Variants in SLC29A1 observed in about 807,000 individuals in gnomAD.
The protein encoded by SLC29A1 is solute carrier family 29 member 1 (Augustine blood group).
A neutral mutation model predicts 48.3 loss-of-function variants in SLC29A1; 22 were observed. The observed-to-expected ratio is 0.46, with a 90% confidence interval of 0.33 to 0.65. The LOEUF (loss-of-function observed/expected upper bound fraction) is 0.65, where lower values mean the gene tolerates loss of function less well. SLC29A1 is among the 30% of genes least tolerant of loss of function. The pLI is 0.03. For synonymous variants in SLC29A1, 228 were observed against 231.0 expected, an observed-to-expected ratio of 0.99 and a Z score of 0.12; for missense variants, 491 against 575.3, an observed-to-expected ratio of 0.85 and a Z score of 1.50.
intron 1 of SLC29A1, chr6:44,226,699 G>A (rs1251920824): frequency 3.5e-5 from 34 of 982,556 alleles, no homozygotes; most frequent in Non-Finnish European, 3.9e-5. Flanking sequence ...CAGGGAGGGT[G>A]GAGAGACCAG....
upstream of SLC29A1, chr6:44,221,689 AG>A: frequency 7.8e-7 from 1 of 1,282,658 alleles, no homozygotes; most frequent in Non-Finnish European, 1.0e-6. This position sits in a 1 kb window ranked among gnomAD's most constrained non-coding sequence, Gnocchi z 4.2. Context: ...GGCCTGTGTA[AG>A]TTGGGGCTCC....
Position 44,233,558 on chromosome 6 carries a change from C to A in SLC29A1, c.*30C>A. ...GGATGGACAGAAGGACTGCCTGCCT[C>A]CCTCCCTGTCTGCCTCCTGCCCCTT... On this transcript the variant is annotated 3_prime_UTR_variant, in exon 13 of 13. Transcript: ENST00000371755. 8 of 1,548,638 alleles carry A rather than the reference C, an allele frequency of 5.2e-6. No homozygotes were observed. Among genetic ancestry groups the A allele is most frequent in the Non-Finnish European group, 6.2e-6 (7 of 1,120,312 alleles).
chr6:44,224,025 GAGGCTCGCGAGCGGAGGTGC>G (rs11274220), intron 1 of SLC29A1: 420,499 of 551,200 alleles, frequency 0.76, 168,056 homozygotes, highest in African/African-American at 0.89. Flanking sequence ...GATGGGGATG[GAGGCTCGCGAGCGGAGGTGC>G]AGGCTCGCGA....
upstream of SLC29A1, among the ~76,000 whole-genome samples, chr6:44,220,430 T>C (rs1776218381): frequency 6.6e-6 from 1 of 151,260 alleles, no homozygotes; most frequent in African/African-American, 2.4e-5. Flanking sequence ...GTGATTCTTC[T>C]ACCTTGGCCT....
chr6:44,233,697 G>A lies in SLC29A1; in HGVS notation c.*169G>A. The A allele has an allele frequency of 1.6e-6, 1 of 618,262 alleles. No homozygotes were observed. The highest frequency in any genetic ancestry group is 2.8e-5 in the Admixed American group (1 of 36,154). The allele number at this position is 618,262 out of a possible 1,614,324, so 38.3% of individuals were successfully genotyped here. A position where few individuals can be genotyped will look rare whatever the true frequency, so the allele number is the denominator to read the frequency against. On this transcript the variant is annotated 3_prime_UTR_variant, in exon 13 of 13. Coordinates refer to ENST00000371755, the MANE Select transcript of SLC29A1 (RefSeq NM_001372327.1). ...CCAGGCCCTGGGGAGGGAGCCTCTG[G>A]ACGGACAGTGGGGACATTGTGGGTT...
At chr6:44,231,496 T>C (rs1198787911) in intron 9 of SLC29A1, 35 bp downstream of exon 9, 5 of 1,364,118 alleles carry the variant, frequency 3.7e-6, no homozygotes, top group Non-Finnish European at 4.1e-6. Flanking sequence ...TTCTACCCCT[T>C]GTCCTCTTTC....
chr6:44,227,900 G>C (rs772695736), intron 2 of SLC29A1, among the ~76,000 whole-genome samples: 1 of 152,208 alleles, frequency 6.6e-6, no homozygotes, highest in African/African-American at 2.4e-5. Flanking sequence ...GAGATCCAAA[G>C]CTCCTTCAAA....
At position 44,230,415 on chromosome 6, in the gene SLC29A1, C is replaced by T. The variant is rs761450983; in HGVS notation, c.523C>T (p.Pro175Ser). The T allele has an allele frequency of 1.7e-5, 28 of 1,613,970 alleles. No individual in the cohort carries two copies. The highest frequency in any genetic ancestry group is 2.2e-5 in the Non-Finnish European group (26 of 1,180,008). Residue 175 changes from proline (P) to serine (S), a missense_variant, in exon 6 of 13, where the codon CCC becomes TCC. Pro to Ser is a moderately conservative substitution (Grantham distance 74, BLOSUM62 -1). Coordinates refer to ENST00000371755, the MANE Select transcript of SLC29A1 (RefSeq NM_001372327.1). Reference protein sequence around the residue: ...AGLLPASYTAPIMSGQGLAGF... With the variant: ...AGLLPASYTASIMSGQGLAGF... ...CCTTCTGCCTGCCAGCTACACGGCC[C>T]CCATCATGAGTGGCCAGGGCCTAGC... is the stretch of plus-strand genomic sequence containing the variant.
rs746549866 is a variant in SLC29A1 at position 44,232,984 on chromosome 6, C to T, written c.1237C>T (p.Leu413Phe). The change falls in exon 12 of 13, where the codon CTC becomes TTC. Residue 413 changes from leucine to phenylalanine, a missense_variant. By Grantham distance (22) the Leu-to-Phe change is conservative. Coordinates refer to ENST00000371755, the MANE Select transcript of SLC29A1 (RefSeq NM_001372327.1). This position sits in a 1 kb window ranked among gnomAD's most constrained non-coding sequence, Gnocchi z 4.7. ...CTTCTCCAACGGCTACCTCGCCAGCCTCTGCATGTGCTTCGGGCCCAAGTG... is the reference window on the plus strand; with the variant it reads ...CTTCTCCAACGGCTACCTCGCCAGCTTCTGCATGTGCTTCGGGCCCAAGTG... ...FAFSNGYLASLCMCFGPKKVK... is the reference protein window; with the variant it reads ...FAFSNGYLASFCMCFGPKKVK... 20 of 1,613,368 alleles carry T rather than the reference C, an allele frequency of 1.2e-5. No homozygotes were observed. The highest frequency in any genetic ancestry group is 2.2e-5 in the East Asian group (1 of 44,894).
intron 1 of SLC29A1, among the ~76,000 whole-genome samples, chr6:44,225,022 A>C (rs1213666007): frequency 6.6e-6 from 1 of 152,158 alleles, no homozygotes; most frequent in African/African-American, 2.4e-5. Flanking sequence ...GAAGAAATAA[A>C]TACTTCTTCT....
Position 44,232,104 on chromosome 6 carries a change from G to C in SLC29A1, c.971G>C (p.Trp324Ser), listed in dbSNP as rs928428928. ...VKSSIAGSST[W>S]ERYFIPVSCF... is the part of the protein sequence containing the mutation. ...TCCAGCATCGCAGGCAGCAGCACCT[G>C]GGGTGAGGATGCCACAGGTTTCCAG... Residue 324 changes from tryptophan (W) to serine (S), a missense_variant and splice_region_variant, in exon 10 of 13, where the codon TGG becomes TCG. By Grantham distance (177) the Trp-to-Ser change is radical (BLOSUM62 -3). Coordinates refer to ENST00000371755, the MANE Select transcript of SLC29A1 (RefSeq NM_001372327.1). The surrounding 1 kb of genome is among the most constrained non-coding windows in gnomAD (Gnocchi z 4.7). 1.9e-6 allele frequency: 3 copies of C among 1,610,020 alleles called. No homozygotes were observed. The highest frequency in any genetic ancestry group is 2.6e-6 in the Non-Finnish European group (3 of 1,176,322).
intron 2 of SLC29A1, among the ~76,000 whole-genome samples, chr6:44,227,874 T>G (rs1410037782): frequency 6.6e-6 from 1 of 152,220 alleles, no homozygotes; most frequent in Non-Finnish European, 1.5e-5. Context: ...CCAAGAAGGC[T>G]GAGGAAGTGA....
Position 44,229,166 on chromosome 6 carries a change from C to G in SLC29A1, c.30-224C>G, listed in dbSNP as rs1487963121. The stretch of plus-strand genomic sequence containing the variant: ...CCATGGTCCTGTCAGCCATGCCATT[C>G]AGTCCTATGACCCTGACCCCATCCC... On this transcript the variant is annotated intron_variant, in intron 2 of 12. Transcript: ENST00000371755. This position sits in a 1 kb window ranked among gnomAD's most constrained non-coding sequence, Gnocchi z 5.1. Among the ~76,000 whole-genome samples the G allele has an allele frequency of 6.6e-6, 1 of 152,224 alleles. No homozygotes were observed. Among genetic ancestry groups the G allele is most frequent in the Non-Finnish European group, 1.5e-5 (1 of 68,038 alleles).
intron 1 of SLC29A1, 161 bp from the exon 2 acceptor site, chr6:44,227,102 G>A: frequency 7.1e-7 from 1 of 1,414,174 alleles, no homozygotes; most frequent in Non-Finnish European, 9.2e-7. Flanking sequence ...GGGCTGGGTG[G>A]GGGTCAAGTT....
At chr6:44,221,495 G>A (rs1386348553), upstream of SLC29A1, 1 of 570,496 alleles carries the variant, frequency 1.8e-6, no homozygotes. This position sits in a 1 kb window ranked among gnomAD's most constrained non-coding sequence, Gnocchi z 4.2. Context: ...GAGGGAGTCT[G>A]GGCCAAGCCA....
upstream of SLC29A1, among the ~76,000 whole-genome samples, chr6:44,220,683 G>T (rs1327122121): frequency 6.6e-6 from 1 of 151,562 alleles, no homozygotes; most frequent in Non-Finnish European, 1.5e-5. Context: ...AAATTAGCTG[G>T]GCGTGGTGGC....
Position 44,229,859 on chromosome 6 carries a change from C to G in SLC29A1, c.315-48C>G. On this transcript the variant is annotated intron_variant, in intron 4 of 12. Coordinates refer to ENST00000371755, the MANE Select transcript of SLC29A1 (RefSeq NM_001372327.1). This position sits in a 1 kb window ranked among gnomAD's most constrained non-coding sequence, Gnocchi z 5.1. ...TGTGTCCTGCACCCCCTTGGCTGAG[C>G]CCCAGCTTTGCCCACTTGTCTCTGC... is the stretch of plus-strand genomic sequence containing the variant. 3 of 1,611,328 alleles carry G rather than the reference C, an allele frequency of 1.9e-6. No homozygotes were observed. The highest frequency in any genetic ancestry group is 2.5e-6 in the Non-Finnish European group (3 of 1,179,544).
chr6:44,231,369 G>A lies in SLC29A1; in HGVS notation c.772G>A (p.Glu258Lys), dbSNP rs754487166. 18 of 1,593,436 alleles carry A rather than the reference G, an allele frequency of 1.1e-5. No homozygotes were observed. The highest frequency in any genetic ancestry group is 1.5e-5 in the Non-Finnish European group (17 of 1,165,736). The change falls in exon 9 of 13, where the codon GAG becomes AAG. Residue 258 changes from glutamate (E) to lysine (K), a missense_variant. Coordinates refer to ENST00000371755, the MANE Select transcript of SLC29A1 (RefSeq NM_001372327.1). ...TKLDLISKGE[E>K]PRAGKEESGV... ...AGATTTCTTCCATCCCGCAGGAGAG[G>A]AGCCAAGAGCAGGCAAAGAGGAATC...
chr6:44,233,658 C>G lies in SLC29A1; in HGVS notation c.*130C>G. Reference sequence around the variant, plus strand: ...TGACTTCTGCTTTCCACGGCGTGTGCTGGGCCCGGATCTCCAGGCCCTGGG... The same window carrying G: ...TGACTTCTGCTTTCCACGGCGTGTGGTGGGCCCGGATCTCCAGGCCCTGGG... On this transcript the variant is annotated 3_prime_UTR_variant, in exon 13 of 13. Transcript: ENST00000371755. 1.4e-6 allele frequency: 1 copy of G among 723,874 alleles called. No homozygotes were observed. Among genetic ancestry groups the G allele is most frequent in the South Asian group, 1.7e-5 (1 of 59,862 alleles). 44.8% of individuals were successfully genotyped at this position (723,874 alleles called of 1,614,324 possible).
Sources: gnomAD v4.1 joint callset for allele counts (sites outside exome capture counted in the v4.1 genomes callset) on GRCh38, gnomAD v4.1.1 for gene constraint, Gnocchi (gnomAD v3.1) non-coding constraint, MANE v1.5 for transcripts, NCBI Gene and HGNC (gene_info 2026-07-23, HGNC 2026-07-21) for gene names.